The following PRDM10 variants were observed in gnomAD, a reference collection of about 807,000 sequenced individuals.
PRDM10 encodes PR domain zinc finger protein 10.
A neutral mutation model predicts 133.1 loss-of-function variants in PRDM10; 65 were observed. The ratio of observed to expected loss-of-function variants is 0.49; its 90% CI spans 0.40 to 0.60. The LOEUF (loss-of-function observed/expected upper bound fraction) is 0.60. PRDM10 is among the 20% of genes least tolerant of loss of function. The pLI, the probability that PRDM10 is intolerant of heterozygous loss-of-function variation, is 0.00. For missense variants in PRDM10, 1,137 were observed against 1,507.1 expected (o/e 0.75, Z 4.07); for synonymous variants, 582 against 580.4 (o/e 1.00, Z -0.04).
intron 20 of PRDM10, among the ~76,000 whole-genome samples, chr11:129,903,204 A>G (rs1180655363): frequency 6.6e-6 from 1 of 151,844 alleles, no homozygotes; most frequent in Admixed American, 6.6e-5. Context: ...AGGCTGAGAC[A>G]GGAGAATCTC....
intron 1 of PRDM10, among the ~76,000 whole-genome samples, chr11:129,982,387 C>T (rs933884168): frequency 2.0e-5 from 3 of 151,932 alleles, no homozygotes; most frequent in African/African-American, 7.2e-5. Flanking sequence ...CTCAGCCTCC[C>T]AAGTAGCTGG....
At chr11:129,971,939 G>A (rs1231761746) in intron 1 of PRDM10, among the ~76,000 whole-genome samples, 1 of 152,240 alleles carries the variant, frequency 6.6e-6, no homozygotes, top group African/African-American at 2.4e-5. Context: ...GGGGTGGGAG[G>A]CTCAGGCATG....
chr11:129,910,957 G>A (rs189936464), intron 18 of PRDM10, among the ~76,000 whole-genome samples: 1 of 152,250 alleles, frequency 6.6e-6, no homozygotes, highest in Admixed American at 6.5e-5. Context: ...TGTATTTTTA[G>A]TAGAGAAGGG....
chr11:129,963,455 A>AGAAGAGAAGGGAAG (rs1296120595), intron 1 of PRDM10, among the ~76,000 whole-genome samples: 1 of 151,658 alleles, frequency 6.6e-6, no homozygotes, highest in Admixed American at 6.6e-5. Context: ...AGAAGAGAAG[A>AGAAGAGAAGGGAAG]AGTCATAACA....
chr11:129,968,979 G>C (rs1288675359), intron 1 of PRDM10, among the ~76,000 whole-genome samples: 2 of 152,166 alleles, frequency 1.3e-5, no homozygotes, highest in Non-Finnish European at 2.9e-5. Context: ...AGCAAAAAAG[G>C]CTGGGTAGGG....
intron 11 of PRDM10, chr11:129,929,502 CA>C: frequency 8.0e-7 from 1 of 1,255,164 alleles, no homozygotes; most frequent in Non-Finnish European, 1.1e-6. Flanking sequence ...TGGTCATTAC[CA>C]ATCTGGATAG....
chr11:129,947,709 C>A lies in PRDM10; in HGVS notation c.295-339G>T, dbSNP rs1392503478. 2 of 510,220 alleles carry A rather than the reference C, an allele frequency of 3.9e-6. No homozygotes were observed. The highest frequency in any genetic ancestry group is 6.8e-6 in the Non-Finnish European group (2 of 295,640). The allele number at this position is 510,220 out of a possible 1,614,324, so 31.6% of individuals were successfully genotyped here. A position where few individuals can be genotyped will look rare whatever the true frequency, so the allele number is the denominator to read the frequency against. ...CCTGACCACCTGCGTCCTGACCCCA[C>A]CCCTAAAACTTAATAAAACCTGGTC... On this transcript the variant is annotated intron_variant, in intron 4 of 20. Transcript: ENST00000360871. The surrounding 1 kb of genome is among the most constrained non-coding windows in gnomAD (Gnocchi z 4.6).
chr11:129,968,464 G>A (rs1231624161), intron 1 of PRDM10, among the ~76,000 whole-genome samples: 1 of 152,110 alleles, frequency 6.6e-6, no homozygotes, highest in Non-Finnish European at 1.5e-5. Context: ...AGTCTGGGGA[G>A]GGGGTTGTGG....
chr11:129,918,434 T>C lies in PRDM10; in HGVS notation c.2214+105A>G. On this transcript the variant is annotated intron_variant, in intron 14 of 20. Coordinates refer to ENST00000360871, the MANE Select transcript of PRDM10 (RefSeq NM_199437.2). This position sits in a 1 kb window ranked among gnomAD's most constrained non-coding sequence, Gnocchi z 5.3. ...CTTCCCCTGGACATTGACAAAACCA[T>C]TGATCGATATAACTTAGGACACAAT... is the stretch of plus-strand genomic sequence containing the variant. 1 of 1,324,924 alleles carries C rather than the reference T, an allele frequency of 7.5e-7. No individual in the cohort carries two copies. Among genetic ancestry groups the C allele is most frequent in the Non-Finnish European group, 1.0e-6 (1 of 999,672 alleles). The allele number at this position is 1,324,924 out of a possible 1,614,324, so 82.1% of individuals were successfully genotyped here. A position where few individuals can be genotyped will look rare whatever the true frequency, so the allele number is the denominator to read the frequency against.
intron 1 of PRDM10, among the ~76,000 whole-genome samples, chr11:129,986,406 C>T (rs1219582979): frequency 6.6e-6 from 1 of 151,928 alleles, no homozygotes; most frequent in Non-Finnish European, 1.5e-5. Context: ...GGTTTTTTTT[C>T]GAGACAGGGT....
At chr11:129,911,661 G>A (rs1414125517) in intron 18 of PRDM10, among the ~76,000 whole-genome samples, 1 of 152,176 alleles carries the variant, frequency 6.6e-6, no homozygotes, top group Non-Finnish European at 1.5e-5. Context: ...TCTAAAAAAT[G>A]TCCTGGATTC....
At chr11:129,995,948 A>C (rs1939041305) in intron 1 of PRDM10, among the ~76,000 whole-genome samples, 1 of 147,448 alleles carries the variant, frequency 6.8e-6, no homozygotes, top group South Asian at 2.1e-4. Flanking sequence ...TCTGTCTCAA[A>C]AACAAAAGAA....
intron 1 of PRDM10, among the ~76,000 whole-genome samples, chr11:129,965,731 T>G (rs141768704): frequency 5.3e-4 from 79 of 147,732 alleles, no homozygotes; most frequent in Middle Eastern, 3.4e-3. Context: ...TTAAGAAACA[T>G]GTTTATCAAA....
At chr11:129,983,298 C>CA (rs1938218846) in intron 1 of PRDM10, among the ~76,000 whole-genome samples, 1 of 135,288 alleles carries the variant, frequency 7.4e-6, no homozygotes, top group African/African-American at 2.7e-5. Flanking sequence ...TTTATTTCTC[C>CA]TTTTTTTTTT....
At chr11:129,912,010 T>C (rs1405687786) in intron 18 of PRDM10, 75 bp downstream of exon 18, 15 of 1,435,298 alleles carry the variant, frequency 1.0e-5, no homozygotes, top group Non-Finnish European at 1.4e-5. Flanking sequence ...CTGAAGAGAA[T>C]GTCTTCCCTC....
chr11:129,961,087 G>A lies in PRDM10; in HGVS notation c.-118-5C>T. On this transcript the variant is annotated splice_polypyrimidine_tract_variant and splice_region_variant and intron_variant, in intron 1 of 20. Transcript: ENST00000360871. The stretch of plus-strand genomic sequence containing the variant: ...AAAGGTCTGTCTGCAGCATGCCTGA[G>A]AAAACACAGAAAAGGAACCAAGACT... 1 of 623,160 alleles carries A rather than the reference G, an allele frequency of 1.6e-6. No homozygotes were observed. The highest frequency in any genetic ancestry group is 2.6e-6 in the Non-Finnish European group (1 of 378,542). 38.6% of individuals were successfully genotyped at this position (623,160 alleles called of 1,614,324 possible). A position where few individuals can be genotyped will look rare whatever the true frequency, so the allele number is the denominator to read the frequency against.
intron 1 of PRDM10, among the ~76,000 whole-genome samples, chr11:129,980,404 G>A (rs1172297224): frequency 6.6e-6 from 1 of 152,106 alleles, no homozygotes; most frequent in Non-Finnish European, 1.5e-5. Flanking sequence ...TAGGAGCAGG[G>A]ACCCTGTTGT....
chr11:129,917,064 C>T (rs1234419470), intron 15 of PRDM10, 63 bp downstream of exon 15: 17 of 1,177,504 alleles, frequency 1.4e-5, no homozygotes, highest in African/African-American at 3.1e-5. Context: ...TTTATAAATA[C>T]GGACAAGTCA....
chr11:129,971,641 G>T (rs1388903489), intron 1 of PRDM10, among the ~76,000 whole-genome samples: 1 of 132,118 alleles, frequency 7.6e-6, no homozygotes, highest in African/African-American at 3.8e-5. Flanking sequence ...GCTAGATACA[G>T]AGTGTCGATT....
Sources: allele counts gnomAD v4.1 joint callset (sites outside exome capture counted in the v4.1 genomes callset), GRCh38; gene constraint gnomAD v4.1.1; non-coding constraint Gnocchi (gnomAD v3.1); transcripts MANE v1.5; gene names NCBI Gene and HGNC (gene_info 2026-07-23, HGNC 2026-07-21).